ARFGEF2: variants seen among roughly 807,000 people sequenced by gnomAD.
ARFGEF2 encodes the protein brefeldin A-inhibited guanine nucleotide-exchange protein 2.
In ARFGEF2, 74 loss-of-function variants were observed where a neutral mutation model predicts 219.9. The observed-to-expected ratio is 0.34, with a 90% CI of 0.28 to 0.41. The LOEUF (loss-of-function observed/expected upper bound fraction) is 0.41, where lower values mean the gene tolerates loss of function less well. ARFGEF2 is among the 10% of genes least tolerant of loss of function. The pLI, the probability that ARFGEF2 is intolerant of heterozygous loss-of-function variation, is 1.00. For missense variants in ARFGEF2, 1,743 were observed against 2,218.3 expected (o/e 0.79, Z 4.30); for synonymous variants, 733 against 799.2 (o/e 0.92, Z 1.40).
rs144491091 is a variant in ARFGEF2 at position 48,981,717 on chromosome 20, T to G, written c.1959-3012T>G. Among the ~76,000 whole-genome samples, 5 of 152,324 alleles carry G rather than the reference T, an allele frequency of 3.3e-5. No individual in the cohort carries two copies. In the East Asian group the frequency reaches 9.6e-4, roughly 29 times the overall value. On this transcript the variant is annotated intron_variant, in intron 14 of 38. Coordinates refer to ENST00000371917, the MANE Select transcript of ARFGEF2 (RefSeq NM_006420.3). The stretch of plus-strand genomic sequence containing the variant: ...TTTTCTGTAAACTTCTCTTCTCACT[T>G]TATTTCATTAATTTGATCTTCAGTC...
intron 6 of ARFGEF2, among the ~76,000 whole-genome samples, chr20:48,961,008 A>G (rs1349665509): frequency 1.3e-5 from 2 of 150,822 alleles, no homozygotes; most frequent in Non-Finnish European, 3.0e-5. Flanking sequence ...TGAACCCGGG[A>G]GGCGGAGGTT....
chr20:48,973,000 A>T, intron 11 of ARFGEF2, 145 bp from the exon 12 acceptor site: 2 of 866,606 alleles, frequency 2.3e-6, no homozygotes, highest in Non-Finnish European at 1.9e-6. Context: ...GCTTCCTAGT[A>T]CTTCCAACAT....
intron 1 of ARFGEF2, among the ~76,000 whole-genome samples, chr20:48,922,420 G>A (rs2090848576): frequency 6.6e-6 from 1 of 152,240 alleles, no homozygotes; most frequent in African/African-American, 2.4e-5. Flanking sequence ...ACTGGTTTAG[G>A]GAAACCCCTG....
intron 1 of ARFGEF2, among the ~76,000 whole-genome samples, chr20:48,938,065 A>G (rs2090970625): frequency 6.6e-6 from 1 of 152,210 alleles, no homozygotes; most frequent in African/African-American, 2.4e-5. Flanking sequence ...AGGAGAACAC[A>G]GACTCTGGAG....
chr20:48,967,511 T>C (rs966572745), intron 8 of ARFGEF2, among the ~76,000 whole-genome samples: 75 of 152,180 alleles, frequency 4.9e-4, no homozygotes, highest in African/African-American at 1.7e-3. Flanking sequence ...GCTTCTGTAT[T>C]CCCAGCTACT....
rs774540201 is a variant in ARFGEF2, at chr20:49,017,505, A to G, written c.4464A>G (p.Thr1488=). 9 of 1,613,688 alleles carry G rather than the reference A, an allele frequency of 5.6e-6. No individual in the cohort carries two copies. The Admixed American group carries it at 1.3e-4, about 24-fold the overall frequency. Residue 1488 remains threonine (T), a synonymous_variant, in exon 33 of 39, where the codon ACA becomes ACG. Coordinates refer to ENST00000371917, the MANE Select transcript of ARFGEF2 (RefSeq NM_006420.3). ...CTATTTTTTTCTTCAGTTTGCTGAC[A>G]TGGAGACCTGTAGGAATGGAGGAAG... is the stretch of plus-strand genomic sequence containing the variant. ...FKTTIPHVLL[T]WRPVGMEEDS...
At chr20:49,023,318 T>C (rs2091578243) in intron 35 of ARFGEF2, 137 bp downstream of exon 35, 2 of 1,217,698 alleles carry the variant, frequency 1.6e-6, no homozygotes, top group Non-Finnish European at 2.3e-6. Context: ...CATTCAGTGA[T>C]GGCATGTTGA....
intron 14 of ARFGEF2, among the ~76,000 whole-genome samples, chr20:48,976,676 C>T (rs1392512165): frequency 2.0e-5 from 3 of 151,926 alleles, no homozygotes; most frequent in Non-Finnish European, 4.4e-5. Context: ...GGCGTGGTGG[C>T]GGGTGCCTGT....
rs2091404844 is a variant in ARFGEF2 at position 48,998,449 on chromosome 20, C to A, written c.3376C>A (p.Arg1126=). 6.2e-7 allele frequency: 1 copy of A among 1,613,586 alleles called. No homozygotes were observed. ...GGAGATATCATACTACAACATGAAT[C>A]GGATCCGACTACAGTGGTCTCGAAT... ...IVEISYYNMN[R]IRLQWSRIWH... Residue 1126 remains arginine, a synonymous_variant, in exon 25 of 39, where the codon CGG becomes AGG. Coordinates refer to ENST00000371917, the MANE Select transcript of ARFGEF2 (RefSeq NM_006420.3).
chr20:49,016,611 G>A (rs2123535506), intron 31 of ARFGEF2, among the ~76,000 whole-genome samples, 196 bp downstream of exon 31: 1 of 152,174 alleles, frequency 6.6e-6, no homozygotes, highest in South Asian at 2.1e-4. Flanking sequence ...TCTTAAAGAT[G>A]GGATATAGTT....
intron 11 of ARFGEF2, among the ~76,000 whole-genome samples, 197 bp from the exon 12 acceptor site, chr20:48,972,948 A>C (rs75697333): frequency 6.6e-6 from 1 of 152,144 alleles, no homozygotes; most frequent in Admixed American, 6.5e-5. Flanking sequence ...TGAGATTTCA[A>C]TTTGCTCAGA....
At chr20:49,005,958 T>C (rs139062394) in intron 26 of ARFGEF2, among the ~76,000 whole-genome samples, 2,260 of 152,120 alleles carry the variant, frequency 0.015, 22 homozygotes, top group Middle Eastern at 0.058. Context: ...CCTGGACTTA[T>C]TGAGACTTGC....
At chr20:48,985,699 G>C (rs1444621452) in intron 16 of ARFGEF2, 86 bp downstream of exon 16, 1 of 1,385,568 alleles carries the variant, frequency 7.2e-7, no homozygotes, top group Non-Finnish European at 1.0e-6. Context: ...TTTAATCTTT[G>C]TATATCTGTG....
chr20:48,973,107 T>G (rs773453036), intron 11 of ARFGEF2, 38 bp from the exon 12 acceptor site: 3 of 1,612,802 alleles, frequency 1.9e-6, no homozygotes. Context: ...AACTGCTATT[T>G]GATCAGAATT....
chr20:48,952,766 CAGTG>C lies in ARFGEF2; in HGVS notation c.488_491del (p.Val163GlufsTer27). ...ATTCATGAGGGTACTATCCTGCAGA[CAGTG>C]AGAACATGTTACAATATCTATTTGG... On this transcript the variant is annotated frameshift_variant, in exon 5 of 39. Coordinates refer to ENST00000371917, the MANE Select transcript of ARFGEF2 (RefSeq NM_006420.3). LOFTEE classifies it high-confidence loss of function. The C allele has an allele frequency of 6.2e-7, 1 of 1,614,202 alleles. No individual in the cohort carries two copies. Among genetic ancestry groups the C allele is most frequent in the Non-Finnish European group, 8.5e-7 (1 of 1,180,026 alleles).
chr20:48,945,816 A>G (rs1050149324), intron 3 of ARFGEF2, among the ~76,000 whole-genome samples: 1 of 152,168 alleles, frequency 6.6e-6, no homozygotes, highest in African/African-American at 2.4e-5. Flanking sequence ...GTGAGCCGTG[A>G]TGGTGACACC....
chr20:49,017,556 A>G lies in ARFGEF2; in HGVS notation c.4509+6A>G, dbSNP rs1302339022. On this transcript the variant is annotated splice_donor_region_variant and intron_variant, in intron 33 of 38. Coordinates refer to ENST00000371917, the MANE Select transcript of ARFGEF2 (RefSeq NM_006420.3). ...ATTCATCAGAAAAGCATTTGGTAGG[A>G]TTTGGGGTTTTTCTTTGGTTGTCTT... The G allele has an allele frequency of 6.2e-7, 1 of 1,613,838 alleles. No individual in the cohort carries two copies. The highest frequency in any genetic ancestry group is 1.7e-5 in the Admixed American group (1 of 60,002).
intron 26 of ARFGEF2, 108 bp from the exon 27 acceptor site, chr20:49,010,122 CTG>C: frequency 7.4e-7 from 1 of 1,351,812 alleles, no homozygotes. Context: ...ATGTGGATTG[CTG>C]TGTGCTATAA....
intron 20 of ARFGEF2, 44 bp from the exon 21 acceptor site, chr20:48,990,996 C>G (rs775720395): frequency 1.9e-5 from 30 of 1,599,022 alleles, no homozygotes; most frequent in Middle Eastern, 1.7e-4. Context: ...AATGGCCACA[C>G]TAAGGTTGGA....
Sources: gnomAD v4.1 joint callset for allele counts (sites outside exome capture counted in the v4.1 genomes callset) on GRCh38, gnomAD v4.1.1 for gene constraint, MANE v1.5 for transcripts, NCBI Gene and HGNC (gene_info 2026-07-23, HGNC 2026-07-21) for gene names.